PDXDC1: variants seen among roughly 807,000 people sequenced by gnomAD.
PDXDC1 encodes the protein pyridoxal-dependent decarboxylase domain-containing protein 1.
Under a neutral mutation model 100.1 loss-of-function variants are expected in PDXDC1, and 42 were observed. That is an observed-to-expected ratio of 0.42 (90% CI 0.33 to 0.54). The LOEUF (loss-of-function observed/expected upper bound fraction) is 0.54, where lower values mean the gene tolerates loss of function less well. Ranked by LOEUF, PDXDC1 falls within the 20% of genes least tolerant of loss-of-function variation. The pLI is 0.10. For missense variants in PDXDC1, 636 were observed against 979.2 expected (o/e 0.65, Z 4.68); for synonymous variants, 260 against 371.7 (o/e 0.70, Z 3.46).
chr16:15,062,428 C>T (rs2044751447), intron 16 of PDXDC1, among the ~76,000 whole-genome samples: 1 of 152,042 alleles, frequency 6.6e-6, no homozygotes, highest in African/African-American at 2.4e-5. Flanking sequence ...TTAAAAACAA[C>T]AACAAAAAAG....
chr16:15,151,979 G>T, the PDXDC1 span, among the ~76,000 whole-genome samples: 1 of 145,158 alleles, frequency 6.9e-6, no homozygotes, highest in Non-Finnish European at 1.5e-5. Flanking sequence ...GGGAAGGGTC[G>T]GGGCAGGGAG....
chr16:15,039,732 T>C (rs1192272337), downstream of PDXDC1, among the ~76,000 whole-genome samples: 1 of 152,158 alleles, frequency 6.6e-6, no homozygotes. Context: ...ATGCTGGGGT[T>C]CACACTTACC....
intron 16 of PDXDC1, among the ~76,000 whole-genome samples, chr16:15,129,418 AAC>A (rs1400852138): frequency 1.3e-5 from 2 of 152,114 alleles, no homozygotes; most frequent in Non-Finnish European, 1.5e-5. Context: ...CAGCCTGGGC[AAC>A]AGAGCGAGAC....
At chr16:15,038,729 C>A (rs139919636), downstream of PDXDC1, 69 of 1,143,362 alleles carry the variant, frequency 6.0e-5, no homozygotes, top group Middle Eastern at 9.8e-4. Context: ...AGGAATGTCA[C>A]CCACTTTTCA....
At chr16:15,076,477 C>T (rs1366304943) in intron 16 of PDXDC1, 1 of 954,290 alleles carries the variant, frequency 1.0e-6, no homozygotes, top group Admixed American at 1.7e-5. Context: ...CAATCTAAAG[C>T]CTTAACAAAG....
Position 15,028,933 on chromosome 16 carries a change from G to C in PDXDC1, c.1260G>C (p.Arg420=), listed in dbSNP as rs773936654. 6.8e-6 allele frequency: 11 copies of C among 1,613,722 alleles called. No individual in the cohort carries two copies. Among genetic ancestry groups the C allele is most frequent in the Admixed American group, 3.3e-5 (2 of 60,028 alleles). The change falls in exon 15 of 23, where the codon CGG becomes CGC. Residue 420 remains arginine (R), a synonymous_variant. Transcript: ENST00000396410. ...ACATGACACCTTCAGGAGTCGGCCG[G>C]GAGAGGCACTCGTGTGACGCGCTGA... ...VPNMTPSGVG[R]ERHSCDALNR...
At chr16:15,084,745 A>T (rs1194220967) in intron 16 of PDXDC1, 7 of 1,416,228 alleles carry the variant, frequency 4.9e-6, no homozygotes, top group Non-Finnish European at 7.0e-6. Context: ...ATCAAAACAA[A>T]ACTGAAGGGC....
At chr16:15,080,159 G>T in intron 16 of PDXDC1, 1 of 1,512,300 alleles carries the variant, frequency 6.6e-7, no homozygotes, top group South Asian at 1.3e-5. Context: ...AGTTATGTAA[G>T]CAAAACATCA....
intron 16 of PDXDC1, among the ~76,000 whole-genome samples, chr16:15,082,852 T>C (rs1474023421): frequency 6.6e-6 from 1 of 152,214 alleles, no homozygotes; most frequent in Non-Finnish European, 1.5e-5. Context: ...AATTCTTCTA[T>C]GGAAGGCTTT....
rs770817252 is a variant in PDXDC1, at chr16:15,084,604, G to A, written c.1400-54275G>A. 7.9e-6 allele frequency: 11 copies of A among 1,392,508 alleles called. No homozygotes were observed. The African/African-American group carries it at 8.5e-5, about 11-fold the overall frequency. The allele number at this position is 1,392,508 out of a possible 1,614,324, so 86.3% of individuals were successfully genotyped here. A position where few individuals can be genotyped will look rare whatever the true frequency, so the allele number is the denominator to read the frequency against. ...TTTACTAATTGATTACAATTTTCTT[G>A]AGAATTAAACATTCAAAATAAGGAA... On this transcript the variant is annotated intron_variant, in intron 16 of 16. Coordinates refer to the PDXDC1 transcript ENST00000535621.
At chr16:15,145,086 T>C in the PDXDC1 span, among the ~76,000 whole-genome samples, 1 of 151,920 alleles carries the variant, frequency 6.6e-6, no homozygotes, top group Admixed American at 6.6e-5. Flanking sequence ...CAAGAGGCCC[T>C]CCTCCTCCCC....
rs1331109944 is a variant in PDXDC1, at chr16:14,975,889, G to C, written c.21+669G>C. Among the ~76,000 whole-genome samples, 3 of 152,414 alleles carry C rather than the reference G, an allele frequency of 2.0e-5. No individual in the cohort carries two copies. The East Asian group carries it at 5.8e-4, about 29-fold the overall frequency. On this transcript the variant is annotated intron_variant, in intron 1 of 22. Coordinates refer to ENST00000396410, the MANE Select transcript of PDXDC1 (RefSeq NM_015027.4). ...AACCTCTGAGTTCCAGAAAGGGGTG[G>C]GTGTTGCGTAGATTGCGAATTGAGT...
At chr16:15,064,635 TA>T (rs773560030) in intron 16 of PDXDC1, among the ~76,000 whole-genome samples, 2 of 152,152 alleles carry the variant, frequency 1.3e-5, no homozygotes, top group Non-Finnish European at 2.9e-5. Context: ...AATAACAGTT[TA>T]AAGAAAAACA....
chr16:15,149,513 C>A, the PDXDC1 span, among the ~76,000 whole-genome samples: 2 of 152,218 alleles, frequency 1.3e-5, no homozygotes, highest in East Asian at 3.9e-4. Context: ...TCTAAGGCAT[C>A]AGGCCTAGGG....
intron 16 of PDXDC1, among the ~76,000 whole-genome samples, chr16:15,048,732 T>C (rs2044179229): frequency 6.6e-6 from 1 of 152,154 alleles, no homozygotes; most frequent in Non-Finnish European, 1.5e-5. Context: ...CAAGCGATCC[T>C]ACCACCTTAG....
chr16:14,994,789 ATTTG>A (rs1299084341), intron 1 of PDXDC1, among the ~76,000 whole-genome samples: 3 of 152,268 alleles, frequency 2.0e-5, no homozygotes, highest in Non-Finnish European at 4.4e-5. Flanking sequence ...ATGTTCTTCC[ATTTG>A]TTTGTATCCT....
chr16:15,114,925 AAAT>A (rs1298108696), intron 16 of PDXDC1, among the ~76,000 whole-genome samples: 7 of 108,066 alleles, frequency 6.5e-5, no homozygotes, highest in East Asian at 2.7e-4. Flanking sequence ...AAAAAAAAAA[AAAT>A]TTTTTTTTTT....
chr16:15,128,474 T>C, intron 16 of PDXDC1: 1 of 772,060 alleles, frequency 1.3e-6, no homozygotes, highest in Non-Finnish European at 2.2e-6. Context: ...AGCTTTGGCC[T>C]CCGCGCACTC....
At chr16:15,035,991 C>A in intron 22 of PDXDC1, 25 bp from the exon 23 acceptor site, 2 of 1,591,020 alleles carry the variant, frequency 1.3e-6, no homozygotes, top group Admixed American at 1.8e-5. Context: ...TGAGTTTCAG[C>A]GCAGTCTGTC....
Sources: allele counts gnomAD v4.1 joint callset (sites outside exome capture counted in the v4.1 genomes callset), GRCh38; gene constraint gnomAD v4.1.1; transcripts MANE v1.5; gene names NCBI Gene and HGNC (gene_info 2026-07-23, HGNC 2026-07-21).